The following PKP4 variants were observed in gnomAD, a reference collection of about 807,000 sequenced individuals.
PKP4 encodes the protein plakophilin-4.
In PKP4, 90 loss-of-function variants were observed where a neutral mutation model predicts 145.1. That is an observed-to-expected ratio of 0.62 (90% CI 0.52 to 0.74). PKP4 has a LOEUF of 0.74. Ranked by LOEUF, PKP4 falls within the 30% of genes least tolerant of loss-of-function variation. The pLI, the probability that PKP4 is intolerant of heterozygous loss-of-function variation, is 0.00. For missense variants in PKP4, 1,340 were observed against 1,482.7 expected (o/e 0.90, Z 1.58); for synonymous variants, 563 against 577.2 (o/e 0.98, Z 0.35).
intron 1 of PKP4, among the ~76,000 whole-genome samples, chr2:158,521,762 G>A (rs763501337): frequency 6.6e-6 from 1 of 152,058 alleles, no homozygotes; most frequent in Non-Finnish European, 1.5e-5. Context: ...TCATTCTTCT[G>A]CAATATCTGT....
intron 17 of PKP4, among the ~76,000 whole-genome samples, chr2:158,671,226 T>C (rs1434383912): frequency 6.6e-6 from 1 of 152,196 alleles, no homozygotes; most frequent in Non-Finnish European, 1.5e-5. Context: ...CTCATCTTTA[T>C]ACTTTTGAAG....
chr2:158,514,114 TG>T (rs948619793), intron 1 of PKP4, among the ~76,000 whole-genome samples: 1 of 152,232 alleles, frequency 6.6e-6, no homozygotes, highest in African/African-American at 2.4e-5. Flanking sequence ...TGTATAAATG[TG>T]TTTTCATTGA....
At chr2:158,597,273 G>A (rs371731790) in intron 3 of PKP4, among the ~76,000 whole-genome samples, 1 of 152,122 alleles carries the variant, frequency 6.6e-6, no homozygotes, top group African/African-American at 2.4e-5. Flanking sequence ...TGTCTCTTTT[G>A]CAGAATGATT....
At chr2:158,557,941 A>G (rs1190414955) in intron 2 of PKP4, among the ~76,000 whole-genome samples, 2 of 152,224 alleles carry the variant, frequency 1.3e-5, no homozygotes, top group East Asian at 3.9e-4. Flanking sequence ...CCCATTAGAT[A>G]GCTGGACACA....
chr2:158,574,842 A>C (rs1395295497), intron 2 of PKP4, among the ~76,000 whole-genome samples: 1 of 152,216 alleles, frequency 6.6e-6, no homozygotes, highest in Admixed American at 6.5e-5. Flanking sequence ...ATGTGGACTT[A>C]ATTCAGTCCA....
rs755248804 is a variant in PKP4, at chr2:158,642,670, T to C, written c.1880T>C (p.Ile627Thr). 1.9e-6 allele frequency: 3 copies of C among 1,609,800 alleles called. No homozygotes were observed. Among genetic ancestry groups the C allele is most frequent in the South Asian group, 1.1e-5 (1 of 90,462 alleles). The change falls in exon 11 of 22, where the codon ATT becomes ACT. Residue 627 changes from isoleucine to threonine, a missense_variant. Physicochemically the swap from Ile to Thr is moderately conservative, Grantham distance 89. Coordinates refer to ENST00000389759, the MANE Select transcript of PKP4 (RefSeq NM_003628.6). ...PALLRLLRKS[I>T]DAEVRELVTG... Reference sequence around the variant, plus strand: ...TTGTTGCGACTGTTGAGAAAATCTATTGATGCAGAAGTAAGGGAGCTTGTT... The same window carrying C: ...TTGTTGCGACTGTTGAGAAAATCTACTGATGCAGAAGTAAGGGAGCTTGTT...
intron 2 of PKP4, among the ~76,000 whole-genome samples, chr2:158,538,649 TCTGCCTCAG>T (rs2044269114): frequency 6.6e-6 from 1 of 151,540 alleles, no homozygotes; most frequent in African/African-American, 2.4e-5. Flanking sequence ...AAGCAACTCT[TCTGCCTCAG>T]CCTCCCAAGA....
At chr2:158,517,753 CAA>C (rs141217565) in intron 1 of PKP4, among the ~76,000 whole-genome samples, 1 of 142,192 alleles carries the variant, frequency 7.0e-6, no homozygotes, top group African/African-American at 2.6e-5. Flanking sequence ...CCCGACTCTA[CAA>C]AAAAAAAAAT....
At chr2:158,615,730 G>A (rs548650898) in intron 4 of PKP4, among the ~76,000 whole-genome samples, 4 of 152,096 alleles carry the variant, frequency 2.6e-5, no homozygotes, top group African/African-American at 4.8e-5. Flanking sequence ...CTATAGATTC[G>A]AATCCAGGCA....
chr2:158,485,730 A>G (rs1694070441), intron 1 of PKP4, among the ~76,000 whole-genome samples: 1 of 152,208 alleles, frequency 6.6e-6, no homozygotes, highest in Non-Finnish European at 1.5e-5. Flanking sequence ...AAATTTCTGT[A>G]TGCCTACTGG....
At chr2:158,581,219 T>C (rs914707535) in intron 3 of PKP4, among the ~76,000 whole-genome samples, 2 of 152,196 alleles carry the variant, frequency 1.3e-5, no homozygotes, top group Non-Finnish European at 2.9e-5. Context: ...CGGTATGCCA[T>C]TTCCGATTTG....
At chr2:158,637,681 G>A (rs1328976590) in intron 9 of PKP4, among the ~76,000 whole-genome samples, 3 of 152,154 alleles carry the variant, frequency 2.0e-5, no homozygotes. Context: ...TTCTTGTGTT[G>A]CCTGTTTTCG....
chr2:158,588,790 A>G (rs981396408), intron 3 of PKP4: 8 of 151,938 alleles, frequency 5.3e-5, no homozygotes, highest in African/African-American at 1.7e-4. Flanking sequence ...CTATTTCCAT[A>G]TTTTCTTTAG....
Position 158,482,043 on chromosome 2 carries a change from T to TA in PKP4, c.-6+24827dup, listed in dbSNP as rs552927663. On this transcript the variant is annotated intron_variant, in intron 1 of 21. Coordinates refer to ENST00000389759, the MANE Select transcript of PKP4 (RefSeq NM_003628.6). Reference sequence around the variant, plus strand: ...TTTTCAGTTGTGATCGCTCATGCCATAATTACGTACCTGTGCTGTCTAAAA... The same window carrying TA: ...TTTTCAGTTGTGATCGCTCATGCCATAAATTACGTACCTGTGCTGTCTAAAA... Among the ~76,000 whole-genome samples, 185 of 152,378 alleles carry TA rather than the reference T, an allele frequency of 1.2e-3. 1 individual carries two copies. The highest frequency in any genetic ancestry group is 2.2e-3 in the Non-Finnish European group (147 of 68,036).
chr2:158,533,527 G>A (rs539312404), intron 2 of PKP4: 7 of 648,258 alleles, frequency 1.1e-5, no homozygotes, highest in East Asian at 3.2e-5. Context: ...ATACTTGTGC[G>A]TCTGCAAGTA....
intron 2 of PKP4, among the ~76,000 whole-genome samples, chr2:158,565,435 C>CTTTTTTTTTTTTT (rs10690465): frequency 5.9e-5 from 8 of 135,760 alleles, no homozygotes; most frequent in East Asian, 2.1e-4. Flanking sequence ...TTCTTTTTTC[C>CTTTTTTTTTTTTT]TTTTTTTTTT....
At chr2:158,610,631 A>G (rs961546563) in intron 4 of PKP4, among the ~76,000 whole-genome samples, 1 of 152,166 alleles carries the variant, frequency 6.6e-6, no homozygotes, top group South Asian at 2.1e-4. Flanking sequence ...TTTTTTTGTC[A>G]AAACAGTCAT....
Position 158,634,148 on chromosome 2 carries a change from C to G in PKP4, c.1421C>G (p.Thr474Arg), listed in dbSNP as rs2053620119. ...CAAAGAAATAATTATGCTCTGAACA[C>G]AACAGCTACCTACGCGGAGCCCTAC... ...TYQRNNYALN[T>R]TATYAEPYRP... Residue 474 changes from threonine (T) to arginine (R), a missense_variant, in exon 9 of 22, where the codon ACA (threonine) becomes AGA (arginine). Physicochemically the swap from Thr to Arg is moderately conservative, Grantham distance 71. Coordinates refer to ENST00000389759, the MANE Select transcript of PKP4 (RefSeq NM_003628.6). 6.2e-7 allele frequency: 1 copy of G among 1,613,912 alleles called. No homozygotes were observed. Among genetic ancestry groups the G allele is most frequent in the African/African-American group, 1.3e-5 (1 of 74,910 alleles).
At chr2:158,542,187 T>C (rs796255707) in intron 2 of PKP4, among the ~76,000 whole-genome samples, 48 of 152,306 alleles carry the variant, frequency 3.2e-4, no homozygotes, top group African/African-American at 1.1e-3. Flanking sequence ...GGATGCTGCT[T>C]ACTGGAGATT....
Sources: allele counts gnomAD v4.1 joint callset (sites outside exome capture counted in the v4.1 genomes callset), GRCh38; gene constraint gnomAD v4.1.1; transcripts MANE v1.5; gene names NCBI Gene and HGNC (gene_info 2026-07-23, HGNC 2026-07-21).